The following NLK variants were observed in gnomAD, a reference collection of about 807,000 sequenced individuals.
The protein encoded by NLK is nemo like kinase, also known as serine/threonine-protein kinase NLK.
NLK carries 11 observed loss-of-function variants against 59.0 expected under a neutral mutation model. That is an observed-to-expected ratio of 0.19 (90% confidence interval 0.12 to 0.31). NLK has a LOEUF of 0.31. Among genes scored for constraint, NLK ranks in the 10% least tolerant of loss-of-function variants. NLK has a pLI of 1.00. For missense variants in NLK, 410 were observed against 661.1 expected, an observed-to-expected ratio of 0.62 and a Z score of 4.16; for synonymous variants, 235 against 235.9, an observed-to-expected ratio of 1.00 and a Z score of 0.03.
intron 1 of NLK, among the ~76,000 whole-genome samples, chr17:28,072,321 CT>C (rs1910031983): frequency 6.8e-6 from 1 of 146,292 alleles, no homozygotes; most frequent in East Asian, 2.0e-4. Context: ...CTTTCTTCTT[CT>C]TTTTCTTTTT....
chr17:28,096,155 A>G (rs1904693757), intron 1 of NLK, among the ~76,000 whole-genome samples: 1 of 152,214 alleles, frequency 6.6e-6, no homozygotes, highest in Non-Finnish European at 1.5e-5. Flanking sequence ...ACGTTGAAAA[A>G]TAATAGTAAT....
At chr17:28,049,235 A>C (rs1296128605) in intron 1 of NLK, among the ~76,000 whole-genome samples, 1 of 152,172 alleles carries the variant, frequency 6.6e-6, no homozygotes, top group Non-Finnish European at 1.5e-5. Flanking sequence ...TTGAACTTTA[A>C]CTCTTAGTTG....
At chr17:28,070,088 T>C (rs1158748968) in intron 1 of NLK, among the ~76,000 whole-genome samples, 1 of 151,568 alleles carries the variant, frequency 6.6e-6, no homozygotes, top group East Asian at 2.0e-4. Flanking sequence ...TTAGAAAAAT[T>C]AGTGAGGCAT....
At chr17:28,186,423 T>G (rs1176019779) in intron 8 of NLK, among the ~76,000 whole-genome samples, 1 of 152,178 alleles carries the variant, frequency 6.6e-6, no homozygotes, top group Non-Finnish European at 1.5e-5. Context: ...ATGTGTTTAT[T>G]TTGGTGTTTT....
intron 3 of NLK, among the ~76,000 whole-genome samples, chr17:28,160,135 C>T (rs1269713129): frequency 3.9e-5 from 6 of 152,040 alleles, no homozygotes; most frequent in Admixed American, 2.6e-4. Context: ...GCACTGGATC[C>T]GAGTATCCAC....
chr17:28,176,031 T>C (rs908811374), intron 7 of NLK, among the ~76,000 whole-genome samples: 9 of 152,126 alleles, frequency 5.9e-5, no homozygotes, highest in Non-Finnish European at 1.2e-4. Flanking sequence ...ATAGAAAAAT[T>C]TGGGGTGAAT....
At position 28,170,916 on chromosome 17, in the gene NLK, G is replaced by A. The variant is rs575591175; in HGVS notation, c.1048-1601G>A. On this transcript the variant is annotated intron_variant, in intron 6 of 10. Coordinates refer to ENST00000407008, the MANE Select transcript of NLK (RefSeq NM_016231.5). ...CTGTCTAATTGTTGGTGTGTGTTGGGGTGAGAAATGAAGATCTAAAATAGG... is the reference window on the plus strand; with the variant it reads ...CTGTCTAATTGTTGGTGTGTGTTGGAGTGAGAAATGAAGATCTAAAATAGG... Among the ~76,000 whole-genome samples, 29 of 152,230 alleles carry A rather than the reference G, an allele frequency of 1.9e-4. No homozygotes were observed. The South Asian group carries it at 6.0e-3, about 32-fold the overall frequency.
At chr17:28,156,545 C>G (rs1907738194) in intron 3 of NLK, among the ~76,000 whole-genome samples, 1 of 152,094 alleles carries the variant, frequency 6.6e-6, no homozygotes, top group African/African-American at 2.4e-5. Context: ...TGCCCTTCAC[C>G]CCGCAACACA....
rs1036056944 is a variant in NLK, at chr17:28,196,153, G to A, written c.*1517G>A. 5 of 152,500 alleles carry A rather than the reference G, an allele frequency of 3.3e-5. No homozygotes were observed. In the East Asian group the frequency reaches 9.6e-4, roughly 29 times the overall value. The allele number at this position is 152,500 out of a possible 1,614,324, so 9.4% of individuals were successfully genotyped here. On this transcript the variant is annotated 3_prime_UTR_variant, in exon 11 of 11. Coordinates refer to ENST00000407008, the MANE Select transcript of NLK (RefSeq NM_016231.5). ...CATTGAATTACTAAACAAAGATGGT[G>A]CAATATCTTTGTTTTTTTTTTATGA... is the stretch of plus-strand genomic sequence containing the variant.
At chr17:28,179,639 C>T (rs1482400497) in intron 7 of NLK, among the ~76,000 whole-genome samples, 3 of 152,026 alleles carry the variant, frequency 2.0e-5, no homozygotes, top group Non-Finnish European at 4.4e-5. Context: ...GAGGCTGAGG[C>T]AGGAGAATTG....
At chr17:28,072,977 CATTAGAACTTTATTTTTTGTG>C (rs1482603252) in intron 1 of NLK, among the ~76,000 whole-genome samples, 1 of 151,482 alleles carries the variant, frequency 6.6e-6, no homozygotes, top group Non-Finnish European at 1.5e-5. Flanking sequence ...GAGCCCATGA[CATTAGAACTTTATTTTTTGTG>C]ATTTTTTTGA....
chr17:28,157,609 G>GA (rs770186319), intron 3 of NLK, among the ~76,000 whole-genome samples: 60 of 151,946 alleles, frequency 3.9e-4, no homozygotes, highest in Non-Finnish European at 7.5e-4. Context: ...TTACAGGCAT[G>GA]AGCCACCACA....
intron 3 of NLK, among the ~76,000 whole-genome samples, chr17:28,146,883 A>G (rs1421957912): frequency 6.6e-6 from 1 of 152,232 alleles, no homozygotes; most frequent in Non-Finnish European, 1.5e-5. Context: ...TTTGCTCTGT[A>G]TAATGGGAAC....
intron 7 of NLK, among the ~76,000 whole-genome samples, chr17:28,181,631 TG>T (rs1454815632): frequency 6.6e-6 from 1 of 151,892 alleles, no homozygotes; most frequent in East Asian, 1.9e-4. Context: ...AATAGCGAGT[TG>T]GTCTACAGAT....
intron 1 of NLK, among the ~76,000 whole-genome samples, chr17:28,117,579 A>G (rs1006883591): frequency 6.6e-6 from 1 of 152,182 alleles, no homozygotes; most frequent in Non-Finnish European, 1.5e-5. Context: ...AAATATAGAT[A>G]TTTTGCTGCT....
In NLK at chr17:28,043,277, A is replaced by T; in HGVS notation, c.404A>T (p.Gln135Leu). 1 of 1,611,284 alleles carries T rather than the reference A, an allele frequency of 6.2e-7. No individual in the cohort carries two copies. Among genetic ancestry groups the T allele is most frequent in the Non-Finnish European group, 8.5e-7 (1 of 1,178,686 alleles). The part of the protein sequence containing the change: ...HHQHSHHPQQ[Q>L]LDIEPDRPIG... ...CAGCACTCGCATCATCCACAGCAGC[A>T]GCTGGATATTGAGCCGGATAGACCT... Residue 135 changes from glutamine to leucine, a missense_variant, in exon 1 of 11, where the codon CAG becomes CTG. By Grantham distance (113) the Gln-to-Leu change is moderately radical (BLOSUM62 -2). This residue lies in a region of NLK where 73 missense variants were observed against 197.2 expected (regional missense o/e 0.37). Coordinates refer to ENST00000407008, the MANE Select transcript of NLK (RefSeq NM_016231.5).
At chr17:28,111,131 G>A (rs1378845624) in intron 1 of NLK, among the ~76,000 whole-genome samples, 3 of 152,056 alleles carry the variant, frequency 2.0e-5, no homozygotes, top group Non-Finnish European at 4.4e-5. Context: ...TAGCTAGTTT[G>A]GAAGTCTTTT....
chr17:28,199,549 C>T (rs558596778), downstream of NLK, among the ~76,000 whole-genome samples: 1 of 151,726 alleles, frequency 6.6e-6, no homozygotes, highest in Non-Finnish European at 1.5e-5. Context: ...GCCTATAGTT[C>T]CAGCTACTCA....
At chr17:28,162,385 C>G (rs34062226) in intron 4 of NLK, among the ~76,000 whole-genome samples, 363 of 152,090 alleles carry the variant, frequency 2.4e-3, no homozygotes, top group African/African-American at 8.2e-3. Flanking sequence ...GTAATCCCAG[C>G]GCTTTGGGAT....
Sources: gnomAD v4.1 joint callset for allele counts (sites outside exome capture counted in the v4.1 genomes callset) on GRCh38, gnomAD v4.1.1 for gene constraint, gnomAD v4.1.1 regional missense constraint, MANE v1.5 for transcripts, NCBI Gene and HGNC (gene_info 2026-07-23, HGNC 2026-07-21) for gene names.